The following STK3 variants were observed in gnomAD, a reference collection of about 807,000 sequenced individuals.
STK3 encodes serine/threonine-protein kinase 3.
In STK3, 41 loss-of-function variants were observed where a neutral mutation model predicts 58.0. The observed-to-expected ratio is 0.71, with a 90% confidence interval of 0.55 to 0.92. The LOEUF (loss-of-function observed/expected upper bound fraction) is 0.92. Among genes scored for constraint, STK3 ranks in the 40% least tolerant of loss-of-function variants. The pLI is 0.00. For missense variants in STK3, 479 were observed against 602.7 expected (o/e 0.79, Z 2.15); for synonymous variants, 170 against 191.0 (o/e 0.89, Z 0.91).
intron 9 of STK3, 89 bp from the exon 10 acceptor site, chr8:98,527,006 A>T: frequency 8.5e-7 from 1 of 1,173,410 alleles, no homozygotes; most frequent in Admixed American, 2.9e-5. Flanking sequence ...ATGAAGCCAT[A>T]TAATAAATTT....
intron 1 of STK3, among the ~76,000 whole-genome samples, chr8:98,922,427 A>C (rs1456198191): frequency 6.6e-6 from 1 of 152,244 alleles, no homozygotes; most frequent in Non-Finnish European, 1.5e-5. Context: ...TTTGAGTCAC[A>C]ATTAGTCTCA....
the STK3 span, among the ~76,000 whole-genome samples, chr8:98,362,824 C>A: frequency 6.6e-6 from 1 of 152,206 alleles, no homozygotes; most frequent in Non-Finnish European, 1.5e-5. Flanking sequence ...TTAGCCACAC[C>A]TCTTCCCTGG....
chr8:98,403,702 A>T (rs1236212127), intron 3 of STK3, among the ~76,000 whole-genome samples: 2 of 152,216 alleles, frequency 1.3e-5, no homozygotes, highest in Non-Finnish European at 2.9e-5. Flanking sequence ...CACAAGAGAT[A>T]GCCTAAGGCA....
chr8:98,438,546 C>T (rs1011283201), intron 1 of STK3: 1 of 152,280 alleles, frequency 6.6e-6, no homozygotes, highest in African/African-American at 2.4e-5. Context: ...TGCCCTAGCC[C>T]TCAGTGCCTC....
At chr8:98,475,521 T>C (rs1821240409) in intron 10 of STK3, among the ~76,000 whole-genome samples, 1 of 152,200 alleles carries the variant, frequency 6.6e-6, no homozygotes, top group Non-Finnish European at 1.5e-5. Flanking sequence ...ATTACCAGAA[T>C]ATTAATCCAC....
chr8:98,606,837 T>C (rs1816815049), intron 6 of STK3, among the ~76,000 whole-genome samples: 1 of 152,362 alleles, frequency 6.6e-6, no homozygotes, highest in Non-Finnish European at 1.5e-5. Context: ...CCTGTCATTC[T>C]AAGTATAGTT....
At chr8:98,702,652 T>C (rs1825705893) in intron 6 of STK3, among the ~76,000 whole-genome samples, 1 of 152,176 alleles carries the variant, frequency 6.6e-6, no homozygotes, top group Non-Finnish European at 1.5e-5. Flanking sequence ...TCACTCAGTC[T>C]ACAAGGCAGC....
downstream of STK3, chr8:98,883,417 A>T (rs1837869806): frequency 2.2e-6 from 1 of 461,996 alleles, no homozygotes; most frequent in Non-Finnish European, 3.9e-6. Flanking sequence ...AAAATACAGC[A>T]TATTACAAAA....
intron 10 of STK3, among the ~76,000 whole-genome samples, chr8:98,508,073 G>A (rs1411645217): frequency 6.6e-6 from 1 of 152,148 alleles, no homozygotes; most frequent in Non-Finnish European, 1.5e-5. Context: ...TGAAGGTAGA[G>A]ATTTTTGTCT....
intron 1 of STK3, among the ~76,000 whole-genome samples, chr8:98,928,919 C>G (rs1045019734): frequency 1.3e-5 from 2 of 152,198 alleles, no homozygotes; most frequent in Non-Finnish European, 1.5e-5. Context: ...AATCAATATT[C>G]CCACACATGG....
chr8:98,358,915 C>T, the STK3 span, among the ~76,000 whole-genome samples: 2 of 152,142 alleles, frequency 1.3e-5, no homozygotes, highest in African/African-American at 4.8e-5. Flanking sequence ...AGCAGAGCCA[C>T]CCCTGAGCTG....
chr8:98,867,265 A>G (rs1837178897), intron 3 of STK3, among the ~76,000 whole-genome samples: 1 of 151,968 alleles, frequency 6.6e-6, no homozygotes, highest in African/African-American at 2.4e-5. Flanking sequence ...AAAATACAAA[A>G]ATTAGTTGGG....
intron 1 of STK3, among the ~76,000 whole-genome samples, chr8:98,821,422 T>G (rs1182065301): frequency 6.6e-6 from 1 of 151,940 alleles, no homozygotes; most frequent in Non-Finnish European, 1.5e-5. Context: ...TTAATGAATT[T>G]CCCTTCCCAG....
intron 4 of STK3, among the ~76,000 whole-genome samples, chr8:98,739,528 G>A (rs949915347): frequency 1.3e-5 from 2 of 149,358 alleles, no homozygotes; most frequent in African/African-American, 5.0e-5. Flanking sequence ...ACCTGCAGCT[G>A]AGGGTCCTGT....
Position 98,507,892 on chromosome 8 carries a change from C to G in STK3, c.1317+18850G>C, listed in dbSNP as rs1367991825. On this transcript the variant is annotated intron_variant, in intron 10 of 10. Transcript: ENST00000419617. ...TTCAATTGTCACTTTCTCAATGAAG[C>G]CTTCTCCAACCATTCTACTCAATAT... is the stretch of plus-strand genomic sequence containing the variant. 2.6e-5 allele frequency among the ~76,000 whole-genome samples: 4 copies of G among 152,290 alleles called. No individual in the cohort carries two copies. In the South Asian group the frequency reaches 6.2e-4, roughly 24 times the overall value.
chr8:98,519,280 A>AAAAC lies in STK3; in HGVS notation c.1317+7458_1317+7461dup, dbSNP rs149833591. The stretch of plus-strand genomic sequence containing the variant: ...GCAGATAACATGCTGCTATACTGGT[A>AAAAC]AAACAAACAAACAAACAAACAAACA... On this transcript the variant is annotated intron_variant, in intron 10 of 10. Coordinates refer to ENST00000419617, the MANE Select transcript of STK3 (RefSeq NM_006281.4). Among the ~76,000 whole-genome samples, 101 of 152,166 alleles carry AAAAC rather than the reference A, an allele frequency of 6.6e-4. 3 individuals carry two copies. Among genetic ancestry groups the AAAAC allele is most frequent in the East Asian group, 5.2e-3 (27 of 5,178 alleles).
intron 8 of STK3, among the ~76,000 whole-genome samples, chr8:98,573,928 G>A (rs180883348): frequency 6.6e-5 from 10 of 152,132 alleles, no homozygotes; most frequent in Non-Finnish European, 1.5e-4. Context: ...GAGAAGCGCC[G>A]AGCAAAGAGG....
intron 1 of STK3, among the ~76,000 whole-genome samples, chr8:98,938,441 C>G (rs1840274135): frequency 6.6e-6 from 1 of 152,176 alleles, no homozygotes; most frequent in African/African-American, 2.4e-5. Flanking sequence ...AGAAGGGAGA[C>G]TATTTTATAC....
chr8:98,767,903 T>C (rs1238743840), intron 2 of STK3, among the ~76,000 whole-genome samples: 4 of 152,182 alleles, frequency 2.6e-5, no homozygotes, highest in Admixed American at 6.5e-5. Context: ...AGGTCTCTTT[T>C]TAAAAAGTTC....
Sources: allele counts gnomAD v4.1 joint callset (sites outside exome capture counted in the v4.1 genomes callset), GRCh38; gene constraint gnomAD v4.1.1; transcripts MANE v1.5; gene names NCBI Gene and HGNC (gene_info 2026-07-23, HGNC 2026-07-21).